Variants in ATP6V0D1 observed in about 807,000 individuals in gnomAD.
ATP6V0D1 encodes the protein ATPase H+ transporting V0 subunit d1.
A neutral mutation model predicts 39.0 loss-of-function variants in ATP6V0D1; 13 were observed. The observed-to-expected ratio is 0.33, with a 90% CI of 0.22 to 0.53. ATP6V0D1 has a LOEUF of 0.53. ATP6V0D1 is among the 20% of genes least tolerant of loss of function. The pLI is 0.94. For missense variants in ATP6V0D1, 272 were observed against 470.9 expected (o/e 0.58, Z 3.91); for synonymous variants, 191 against 191.2 (o/e 1.00, Z 0.01).
Position 67,444,397 on chromosome 16 carries a change from C to CA in ATP6V0D1, c.481+130dup. On this transcript the variant is annotated intron_variant, in intron 3 of 7. Coordinates refer to ENST00000290949, the MANE Select transcript of ATP6V0D1 (RefSeq NM_004691.5). This position sits in a 1 kb window ranked among gnomAD's most constrained non-coding sequence, Gnocchi z 4.8. ...ATCGGAGGAGGAAGTTGAAGGGAGA[C>CA]AAAGGTAAGCAGCAGTGGGCAGGTC... The CA allele has an allele frequency of 1.1e-6, 1 of 947,104 alleles. No individual in the cohort carries two copies. Among genetic ancestry groups the CA allele is most frequent in the Non-Finnish European group, 1.5e-6 (1 of 655,930 alleles). The allele number at this position is 947,104 out of a possible 1,614,324, so 58.7% of individuals were successfully genotyped here.
At position 67,439,051 on chromosome 16, in the gene ATP6V0D1, G is replaced by A. The variant is rs747139154; in HGVS notation, c.736C>T (p.Arg246Trp). The A allele has an allele frequency of 5.6e-6, 9 of 1,614,100 alleles. No individual in the cohort carries two copies. The highest frequency in any genetic ancestry group is 4.0e-5 in the African/African-American group (3 of 74,938). Residue 246 changes from arginine to tryptophan, a missense_variant, in exon 6 of 8, where the codon CGG (arginine) becomes TGG (tryptophan). Coordinates refer to ENST00000290949, the MANE Select transcript of ATP6V0D1 (RefSeq NM_004691.5). The part of the protein sequence containing the change: ...DRAKLFPHCG[R>W]LYPEGLAQLA... ...TGCGCCAGGCCCTCAGGGTAGAGCC[G>A]CCCACAGTGTGGAAAGAGCTTGGCA...
At chr16:67,468,198 A>G (rs2041345354) in intron 1 of ATP6V0D1, among the ~76,000 whole-genome samples, 1 of 152,174 alleles carries the variant, frequency 6.6e-6, no homozygotes, top group African/African-American at 2.4e-5. Context: ...AAGGTGAGGT[A>G]GAAGGATCAC....
chr16:67,444,600 G>A lies in ATP6V0D1; in HGVS notation c.409C>T (p.Gln137Ter). 6.2e-7 allele frequency: 1 copy of A among 1,613,592 alleles called. No individual in the cohort carries two copies. The highest frequency in any genetic ancestry group is 1.1e-5 in the South Asian group (1 of 91,056). ...PKCHPLGSFE[Q>*]MEAVNIAQTP... is the part of the protein sequence containing the mutation. ...TGAGCAATGTTCACGGCCTCCATCT[G>A]CTCGAAGCTGCCTAGTGGGTGGCAC... Residue 137 changes from glutamine (Q) to a stop codon, truncating the protein, a stop_gained, in exon 3 of 8, where the codon CAG (glutamine) becomes TAG (stop). Transcript: ENST00000290949. LOFTEE classifies it high-confidence loss of function. The surrounding 1 kb of genome is among the most constrained non-coding windows in gnomAD (Gnocchi z 4.8).
chr16:67,443,463 C>G, intron 3 of ATP6V0D1: 1 of 379,632 alleles, frequency 2.6e-6, no homozygotes, highest in Non-Finnish European at 4.9e-6. Context: ...CAAGCTCAGA[C>G]CATGCCAAAG....
chr16:67,455,504 G>A (rs1177899022), intron 1 of ATP6V0D1: 1 of 152,192 alleles, frequency 6.6e-6, no homozygotes, highest in Admixed American at 6.5e-5. Flanking sequence ...CACTCATGGA[G>A]TGAACTTCAA....
At chr16:67,448,928 T>C (rs935487770) in intron 2 of ATP6V0D1, among the ~76,000 whole-genome samples, 1 of 152,176 alleles carries the variant, frequency 6.6e-6, no homozygotes. Context: ...AGTCCTGCCA[T>C]GGACCCAGAA....
At chr16:67,457,512 A>G in intron 1 of ATP6V0D1, 1 of 1,217,662 alleles carries the variant, frequency 8.2e-7, no homozygotes, top group Non-Finnish European at 1.1e-6. Flanking sequence ...GGGAGAAGCC[A>G]GGGCATGCCT....
intron 1 of ATP6V0D1, among the ~76,000 whole-genome samples, chr16:67,470,244 G>A (rs1264806664): frequency 6.6e-6 from 1 of 152,190 alleles, no homozygotes; most frequent in Non-Finnish European, 1.5e-5. Context: ...TATACATGCA[G>A]TGTTTTGACA....
At chr16:67,458,773 G>A (rs530259512) in intron 1 of ATP6V0D1, among the ~76,000 whole-genome samples, 10 of 152,228 alleles carry the variant, frequency 6.6e-5, no homozygotes, top group African/African-American at 2.2e-4. Context: ...TTGGTCTCCC[G>A]GTATCTCCAG....
chr16:67,457,482 G>C, intron 1 of ATP6V0D1: 1 of 922,162 alleles, frequency 1.1e-6, no homozygotes, highest in South Asian at 1.5e-5. Context: ...AGATGAGCTG[G>C]CAGGTGGTGG....
rs534511346 is a variant in ATP6V0D1, at chr16:67,472,747, G to A, written c.130+8210C>T. On this transcript the variant is annotated intron_variant, in intron 1 of 7. Coordinates refer to ENST00000290949, the MANE Select transcript of ATP6V0D1 (RefSeq NM_004691.5). Reference sequence around the variant, plus strand: ...TTGCCGGGCGTGGTGGCGGGTGCCTGTAGTGCCAGCTACTCGGGAGGCTGA... The same window carrying A: ...TTGCCGGGCGTGGTGGCGGGTGCCTATAGTGCCAGCTACTCGGGAGGCTGA... Among the ~76,000 whole-genome samples the A allele has an allele frequency of 2.0e-5, 3 of 152,214 alleles. No homozygotes were observed. The South Asian group carries it at 6.2e-4, about 32-fold the overall frequency.
At chr16:67,445,505 G>A (rs954610508) in intron 2 of ATP6V0D1, among the ~76,000 whole-genome samples, 1 of 152,200 alleles carries the variant, frequency 6.6e-6, no homozygotes. Context: ...AGGCAGACCT[G>A]CACAGCCTAT....
At chr16:67,455,611 GAA>G (rs1224294506) in intron 1 of ATP6V0D1, 4 of 152,212 alleles carry the variant, frequency 2.6e-5, no homozygotes, top group Non-Finnish European at 2.9e-5. Flanking sequence ...GCATAGAAGA[GAA>G]AGTCAGGCAG....
In ATP6V0D1 at chr16:67,481,110, C is replaced by A; in HGVS notation, c.-24G>T. The A allele has an allele frequency of 6.2e-7, 1 of 1,613,302 alleles. No individual in the cohort carries two copies. The highest frequency in any genetic ancestry group is 8.5e-7 in the Non-Finnish European group (1 of 1,179,498). On this transcript the variant is annotated 5_prime_UTR_variant, in exon 1 of 8. Coordinates refer to ENST00000290949, the MANE Select transcript of ATP6V0D1 (RefSeq NM_004691.5). ...ATGGCTGCTGCGGGAGCGGCGGGAC[C>A]GGAGAACCAGGACCGGCCGGCACGA... is the stretch of plus-strand genomic sequence containing the variant.
chr16:67,450,616 A>AG (rs1379338127), intron 2 of ATP6V0D1, among the ~76,000 whole-genome samples: 2 of 152,170 alleles, frequency 1.3e-5, no homozygotes, highest in Non-Finnish European at 1.5e-5. Flanking sequence ...GGCTTTAGCC[A>AG]GGGCCTTGTG....
At chr16:67,465,779 A>T (rs1398570485) in intron 1 of ATP6V0D1, among the ~76,000 whole-genome samples, 1 of 152,232 alleles carries the variant, frequency 6.6e-6, no homozygotes, top group Non-Finnish European at 1.5e-5. Context: ...GTACACAGAC[A>T]GGAGACACTA....
chr16:67,439,229 A>AG (rs1567532576), intron 5 of ATP6V0D1, 45 bp downstream of exon 5: 3 of 1,614,022 alleles, frequency 1.9e-6, no homozygotes, highest in Non-Finnish European at 2.5e-6. Context: ...TCCCCAGGCC[A>AG]GGGCTAGCGG....
chr16:67,439,304 A>T lies in ATP6V0D1; in HGVS notation c.609T>A (p.Thr203=). 5.6e-6 allele frequency: 9 copies of T among 1,614,142 alleles called. No homozygotes were observed. The highest frequency in any genetic ancestry group is 7.6e-6 in the Non-Finnish European group (9 of 1,180,034). The change falls in exon 5 of 8, where the codon ACT becomes ACA. Residue 203 remains threonine, a synonymous_variant. Transcript: ENST00000290949. ...GGATGGGGCACATGGCATCAGCCGTAGTCCCGCCCAGTAGGGTGCAGAACT... is the reference window on the plus strand; with the variant it reads ...GGATGGGGCACATGGCATCAGCCGTTGTCCCGCCCAGTAGGGTGCAGAACT... The part of the protein sequence containing the change: ...FYKFCTLLGG[T]TADAMCPILE...
In ATP6V0D1 at chr16:67,438,473, G is replaced by GCACA. The variant is rs145078546; in HGVS notation, c.*51_*54dup. 1.4e-4 allele frequency: 193 copies of GCACA among 1,341,720 alleles called. No homozygotes were observed. Among genetic ancestry groups the GCACA allele is most frequent in the Middle Eastern group, 3.9e-4 (2 of 5,142 alleles). 83.1% of individuals were successfully genotyped at this position (1,341,720 alleles called of 1,614,324 possible). Reference sequence around the variant, plus strand: ...CATACACACACACGCACACACACGCGCACACACACACACACACACACAAAG... The same window carrying GCACA: ...CATACACACACACGCACACACACGCGCACACACACACACACACACACACACAAAG... On this transcript the variant is annotated 3_prime_UTR_variant, in exon 8 of 8. Transcript: ENST00000290949.
Sources: allele counts gnomAD v4.1 joint callset (sites outside exome capture counted in the v4.1 genomes callset), GRCh38; gene constraint gnomAD v4.1.1; non-coding constraint Gnocchi (gnomAD v3.1); transcripts MANE v1.5; gene names NCBI Gene and HGNC (gene_info 2026-07-23, HGNC 2026-07-21).